The following OR4D10 variants were observed in gnomAD, a reference collection of about 807,000 sequenced individuals.
The protein encoded by OR4D10 is olfactory receptor family 4 subfamily D member 10.
For missense variants in OR4D10, 395 were observed against 378.0 expected, an observed-to-expected ratio of 1.04 and a Z score of -0.37; for synonymous variants, 188 against 153.2, an observed-to-expected ratio of 1.23 and a Z score of -1.68.
rs1357233837 is a variant in OR4D10 at position 59,474,929 on chromosome 11, C to T, written c.-169+1136C>T. Among the ~76,000 whole-genome samples the T allele has an allele frequency of 5.9e-5, 9 of 151,584 alleles. 1 individual carries two copies. The highest frequency in any genetic ancestry group is 3.3e-4 in the Admixed American group (5 of 15,230). ...AAAAAAAATTAGCCGGGCGTGGTGG[C>T]GTTCACCAGTAGTCCCAGGTACTAG... On this transcript the variant is annotated intron_variant, in intron 2 of 2. Coordinates refer to ENST00000530162, the MANE Select transcript of OR4D10 (RefSeq NM_001004705.2).
chr11:59,475,931 G>A (rs986556438), intron 2 of OR4D10, among the ~76,000 whole-genome samples: 1 of 152,156 alleles, frequency 6.6e-6, no homozygotes, highest in Non-Finnish European at 1.5e-5. Context: ...TTACCCTAAA[G>A]TAAATGGGAA....
At position 59,477,399 on chromosome 11, in the gene OR4D10, T is replaced by A. The variant is rs753678770; in HGVS notation, c.-31T>A. ...CCCAGTGCTTTCACATGACATGGTT[T>A]AAAACCAAAGAGAATAAAGAGGATG... On this transcript the variant is annotated 5_prime_UTR_variant, in exon 3 of 3. The change abolishes the stop of an existing upstream ORF in the 5' untranslated region. Coordinates refer to ENST00000530162, the MANE Select transcript of OR4D10 (RefSeq NM_001004705.2). 3 of 1,485,384 alleles carry A rather than the reference T, an allele frequency of 2.0e-6. No individual in the cohort carries two copies. Among genetic ancestry groups the A allele is most frequent in the Non-Finnish European group, 2.7e-6 (3 of 1,103,804 alleles). 92.0% of individuals were successfully genotyped at this position (1,485,384 alleles called of 1,614,324 possible).
Position 59,477,761 on chromosome 11 carries a change from A to T in OR4D10, c.332A>T (p.Asp111Val). Residue 111 changes from aspartate to valine, a missense_variant, in exon 3 of 3, where the codon GAT (aspartate) becomes GTT (valine). Physicochemically the swap from Asp to Val is radical, Grantham distance 152. Coordinates refer to ENST00000530162, the MANE Select transcript of OR4D10 (RefSeq NM_001004705.2). ...CTATTCCACCTTATTGGAGGGGTGG[A>T]TGTATTTTCTCTTTCGGTGATGGCA... ...MFLFHLIGGVDVFSLSVMALD... is the reference protein window; with the variant it reads ...MFLFHLIGGVVVFSLSVMALD... The T allele has an allele frequency of 6.2e-7, 1 of 1,613,958 alleles. No homozygotes were observed. The highest frequency in any genetic ancestry group is 8.5e-7 in the Non-Finnish European group (1 of 1,179,996).
At chr11:59,474,817 G>A (rs1459903715) in intron 2 of OR4D10, among the ~76,000 whole-genome samples, 1 of 152,014 alleles carries the variant, frequency 6.6e-6, no homozygotes, top group African/African-American at 2.4e-5. Flanking sequence ...AGCACTTTGG[G>A]AGGCCGAGGC....
In OR4D10 at chr11:59,477,917, T is replaced by G; in HGVS notation, c.488T>G (p.Leu163Trp). 6.2e-7 allele frequency: 1 copy of G among 1,614,196 alleles called. No individual in the cohort carries two copies. The highest frequency in any genetic ancestry group is 8.5e-7 in the Non-Finnish European group (1 of 1,180,036). ...FVHSIVQISL[L>W]LPLPFCGPNV... ...CACTCCATCGTGCAGATTTCCCTGT[T>G]GCTCCCACTCCCTTTCTGCGGACCC... Residue 163 changes from leucine (L) to tryptophan (W), a missense_variant, in exon 3 of 3, where the codon TTG becomes TGG. Physicochemically the swap from Leu to Trp is moderately conservative, Grantham distance 61. Transcript: ENST00000530162.
rs763306729 is a variant in OR4D10 at position 59,477,460 on chromosome 11, G to T, written c.31G>T (p.Glu11Ter). ...GATGGAAAACTGCACCAGGGTAAAA[G>T]AATTTATTTTCCTTGGCCTGACCCA... MEMENCTRVK[E>*]FIFLGLTQNR... Residue 11 changes from glutamate (E) to a stop codon, truncating the protein, a stop_gained, in exon 3 of 3, where the codon GAA (glutamate) becomes TAA (stop). Transcript: ENST00000530162. LOFTEE classifies it low-confidence loss of function (END_TRUNC). The T allele has an allele frequency of 1.3e-6, 2 of 1,587,882 alleles. No individual in the cohort carries two copies. Among genetic ancestry groups the T allele is most frequent in the Middle Eastern group, 1.7e-4 (1 of 5,926 alleles).
rs760308729 is a variant in OR4D10 at position 59,477,811 on chromosome 11, A to C, written c.382A>C (p.Lys128Gln). Reference protein sequence around the residue: ...MALDRYVAISKPLHYATIMSR... With the variant: ...MALDRYVAISQPLHYATIMSR... Reference sequence around the variant, plus strand: ...ATTGGATCGATATGTGGCCATCTCCAAGCCCCTGCACTATGCGACTATCAT... The same window carrying C: ...ATTGGATCGATATGTGGCCATCTCCCAGCCCCTGCACTATGCGACTATCAT... The change falls in exon 3 of 3, where the codon AAG becomes CAG. Residue 128 changes from lysine to glutamine, a missense_variant. By Grantham distance (53) the Lys-to-Gln change is moderately conservative (BLOSUM62 1). Transcript: ENST00000530162. 12 of 1,613,988 alleles carry C rather than the reference A, an allele frequency of 7.4e-6. No homozygotes were observed. In the Admixed American group the frequency reaches 8.3e-5, roughly 11 times the overall value.
rs1335245283 is a variant in OR4D10 at position 59,478,325 on chromosome 11, G to T, written c.896G>T (p.Arg299Met). 1.2e-6 allele frequency: 2 copies of T among 1,611,988 alleles called. No individual in the cohort carries two copies. Among genetic ancestry groups the T allele is most frequent in the South Asian group, 2.2e-5 (2 of 90,674 alleles). The change falls in exon 3 of 3, where the codon AGG (arginine) becomes ATG (methionine). Residue 299 changes from arginine (R) to methionine (M), a missense_variant. By Grantham distance (91) the Arg-to-Met change is moderately conservative. Transcript: ENST00000530162. ...LRNHEMKSAM[R>M]RLKRRLVPSD... ...AACCATGAGATGAAGTCAGCCATGA[G>T]GAGACTGAAGAGAAGACTTGTGCCT...
rs759857725 is a variant in OR4D10 at position 59,478,207 on chromosome 11, C to T, written c.778C>T (p.Arg260Trp). 9.3e-6 allele frequency: 15 copies of T among 1,613,856 alleles called. No homozygotes were observed. Among genetic ancestry groups the T allele is most frequent in the Middle Eastern group, 1.6e-4 (1 of 6,084 alleles). Residue 260 changes from arginine (R) to tryptophan (W), a missense_variant, in exon 3 of 3, where the codon CGG becomes TGG. Arg to Trp is a moderately radical substitution (Grantham distance 101, BLOSUM62 -3). Coordinates refer to ENST00000530162, the MANE Select transcript of OR4D10 (RefSeq NM_001004705.2). ...CGTGCCCTGCATCTATGTCTATGCC[C>T]GGCCCTTCACTGCCCTCCCCATGGA... ...HFVPCIYVYA[R>W]PFTALPMDKA...
Position 59,477,833 on chromosome 11 carries a change from T to A in OR4D10, c.404T>A (p.Ile135Asn). The A allele has an allele frequency of 1.2e-6, 2 of 1,614,084 alleles. No homozygotes were observed. The highest frequency in any genetic ancestry group is 1.7e-6 in the Non-Finnish European group (2 of 1,180,012). The change falls in exon 3 of 3, where the codon ATC becomes AAC. Residue 135 changes from isoleucine to asparagine, a missense_variant. Transcript: ENST00000530162. ...TCCAAGCCCCTGCACTATGCGACTA[T>A]CATGAGTAGAGACCATTGCATTGGG... ...AISKPLHYAT[I>N]MSRDHCIGLT... is the part of the protein sequence containing the mutation.
At position 59,478,398 on chromosome 11, in the gene OR4D10, ATATCT is replaced by A. The variant is rs1858935570; in HGVS notation, c.*37_*41del. On this transcript the variant is annotated 3_prime_UTR_variant, in exon 3 of 3. Transcript: ENST00000530162. ...AATCCTCAGCTCTTCATCACCAAAG[ATATCT>A]TATATTTATTATTTTTCCCATGAAG... The A allele has an allele frequency of 7.3e-7, 1 of 1,374,100 alleles. No individual in the cohort carries two copies. Among genetic ancestry groups the A allele is most frequent in the Non-Finnish European group, 9.8e-7 (1 of 1,021,054 alleles). 85.1% of individuals were successfully genotyped at this position (1,374,100 alleles called of 1,614,324 possible).
chr11:59,474,889 T>C (rs1422761537), intron 2 of OR4D10, among the ~76,000 whole-genome samples: 2 of 84,204 alleles, frequency 2.4e-5, no homozygotes, highest in African/African-American at 6.7e-5. Context: ...ACCCCGTCTC[T>C]ACTAAAAATA....
rs773272297 is a variant in OR4D10 at position 59,477,776 on chromosome 11, C to T, written c.347C>T (p.Ser116Leu). 7.0e-5 allele frequency: 113 copies of T among 1,614,092 alleles called. No homozygotes were observed. The Admixed American group carries it at 1.2e-3, about 18-fold the overall frequency. Residue 116 changes from serine (S) to leucine (L), a missense_variant, in exon 3 of 3, where the codon TCG becomes TTG. Physicochemically the swap from Ser to Leu is moderately radical, Grantham distance 145 (BLOSUM62 -2). Transcript: ENST00000530162. ...LIGGVDVFSLSVMALDRYVAI... is the reference protein window; with the variant it reads ...LIGGVDVFSLLVMALDRYVAI... ...GGAGGGGTGGATGTATTTTCTCTTTCGGTGATGGCATTGGATCGATATGTG... is the reference window on the plus strand; with the variant it reads ...GGAGGGGTGGATGTATTTTCTCTTTTGGTGATGGCATTGGATCGATATGTG...
chr11:59,475,078 G>GAAAAAA (rs1858889137), intron 2 of OR4D10, among the ~76,000 whole-genome samples: 1 of 65,794 alleles, frequency 1.5e-5, no homozygotes, highest in Non-Finnish European at 3.7e-5. Flanking sequence ...AAAAAAAAAG[G>GAAAAAA]AAAAAGAAAA....
In OR4D10 at chr11:59,477,656, T is replaced by A. The variant is rs899709214; in HGVS notation, c.227T>A (p.Ile76Asn). 1 of 1,614,080 alleles carries A rather than the reference T, an allele frequency of 6.2e-7. No individual in the cohort carries two copies. Among genetic ancestry groups the A allele is most frequent in the African/African-American group, 1.3e-5 (1 of 74,932 alleles). The stretch of plus-strand genomic sequence containing the variant: ...ATTGCCGATATCTGCTTCTCTTCCA[T>A]CACAGTGCCCAAGGTTCTGGTGGAC... ...LSIADICFSS[I>N]TVPKVLVDLL... The change falls in exon 3 of 3, where the codon ATC becomes AAC. Residue 76 changes from isoleucine to asparagine, a missense_variant. Physicochemically the swap from Ile to Asn is moderately radical, Grantham distance 149 (BLOSUM62 -3). Coordinates refer to ENST00000530162, the MANE Select transcript of OR4D10 (RefSeq NM_001004705.2).
intron 1 of OR4D10, 34 bp downstream of exon 1, chr11:59,473,675 T>C (rs1261619392): frequency 1.3e-5 from 2 of 152,258 alleles, no homozygotes; most frequent in Non-Finnish European, 1.5e-5. Context: ...GTTAAGGTTA[T>C]GCATAGTGAA....
In OR4D10 at chr11:59,478,221, C is replaced by T; in HGVS notation, c.792C>T (p.Ala264=). The change falls in exon 3 of 3, where the codon GCC becomes GCT. Residue 264 remains alanine, a synonymous_variant. Transcript: ENST00000530162. ...ATGTCTATGCCCGGCCCTTCACTGC[C>T]CTCCCCATGGATAAGGCCATCTCTG... The part of the protein sequence containing the change: ...CIYVYARPFT[A]LPMDKAISVT... 3 of 1,613,968 alleles carry T rather than the reference C, an allele frequency of 1.9e-6. No individual in the cohort carries two copies. Among genetic ancestry groups the T allele is most frequent in the Non-Finnish European group, 2.5e-6 (3 of 1,179,992 alleles).
chr11:59,474,098 G>A (rs761525366), intron 2 of OR4D10, among the ~76,000 whole-genome samples: 2 of 152,136 alleles, frequency 1.3e-5, no homozygotes, highest in South Asian at 2.1e-4. Context: ...CATTTCATAC[G>A]TTCTTTCTTC....
intron 2 of OR4D10, among the ~76,000 whole-genome samples, chr11:59,476,840 T>TG (rs923421463): frequency 4.6e-5 from 7 of 150,962 alleles, no homozygotes; most frequent in African/African-American, 1.7e-4. Context: ...ATTCTTCCTT[T>TG]GGGGGAAAAA....
Sources: allele counts gnomAD v4.1 joint callset (sites outside exome capture counted in the v4.1 genomes callset), GRCh38; gene constraint gnomAD v4.1.1; transcripts MANE v1.5; gene names NCBI Gene and HGNC (gene_info 2026-07-23, HGNC 2026-07-21).